ZNF469: variants seen among roughly 807,000 people sequenced by gnomAD.
ZNF469 encodes the protein zinc finger protein 469.
ZNF469 carries 1 observed loss-of-function variant against 1.0 expected under a neutral mutation model. The observed-to-expected ratio is 1.00, with a 90% CI of 0.35 to 4.73. The LOEUF is 4.73. Among genes scored for constraint, ZNF469 ranks in the 30% most tolerant of loss-of-function variants. ZNF469 has a pLI of 0.16. For missense variants in ZNF469, 6,100 were observed against 5,356.3 expected (o/e 1.14, Z -4.33); for synonymous variants, 2,703 against 2,363.4 (o/e 1.14, Z -4.17).
At position 88,387,532 on chromosome 16, in the gene ZNF469, G is replaced by A. The variant is rs534203481; in HGVS notation, c.-192+4278G>A. 1.3e-3 allele frequency among the ~76,000 whole-genome samples: 201 copies of A among 152,204 alleles called. 1 individual carries two copies. The highest frequency in any genetic ancestry group is 2.5e-3 in the Non-Finnish European group (172 of 68,044). ...TGAGACCAGCGACAACGCTGGGGGCGGCTTGGGGGCTGTGACCCGGCGTCA... is the reference window on the plus strand; with the variant it reads ...TGAGACCAGCGACAACGCTGGGGGCAGCTTGGGGGCTGTGACCCGGCGTCA... On this transcript the variant is annotated intron_variant, in intron 1 of 2. Transcript: ENST00000565624.
the ZNF469 span, among the ~76,000 whole-genome samples, chr16:88,273,585 C>G: frequency 6.6e-6 from 1 of 152,204 alleles, no homozygotes; most frequent in Non-Finnish European, 1.5e-5. Context: ...CTGTGGAAGA[C>G]GGTATGGAAG....
At chr16:88,179,943 G>A in the ZNF469 span, among the ~76,000 whole-genome samples, 18 of 152,200 alleles carry the variant, frequency 1.2e-4, no homozygotes, top group Non-Finnish European at 2.4e-4. Flanking sequence ...TGTAATGGCA[G>A]ACTGAGAAGC....
chr16:88,354,549 T>C, the ZNF469 span, among the ~76,000 whole-genome samples: 2 of 152,076 alleles, frequency 1.3e-5, no homozygotes, highest in Non-Finnish European at 2.9e-5. Flanking sequence ...GCCTGTCCAG[T>C]AGGGATAGCG....
the ZNF469 span, among the ~76,000 whole-genome samples, chr16:88,239,145 G>A: frequency 2.3e-3 from 345 of 151,948 alleles, no homozygotes; most frequent in African/African-American, 7.9e-3. Context: ...CTGCCATGGT[G>A]CGGGTGAGGG....
chr16:88,148,296 G>C, the ZNF469 span, among the ~76,000 whole-genome samples: 3 of 152,106 alleles, frequency 2.0e-5, no homozygotes, highest in Non-Finnish European at 4.4e-5. Context: ...ACCCCCATGG[G>C]GCCTGCAGCA....
chr16:88,369,644 G>A, the ZNF469 span, among the ~76,000 whole-genome samples: 3 of 152,240 alleles, frequency 2.0e-5, no homozygotes, highest in Admixed American at 1.3e-4. Flanking sequence ...GCCCCTGGCT[G>A]TGACGACATT....
the ZNF469 span, among the ~76,000 whole-genome samples, chr16:88,264,234 C>G: frequency 6.6e-6 from 1 of 152,096 alleles, no homozygotes; most frequent in Non-Finnish European, 1.5e-5. Flanking sequence ...TTCCTCCTCC[C>G]ACACCGAAAC....
intron 1 of ZNF469, among the ~76,000 whole-genome samples, chr16:88,418,576 A>C (rs1483842319): frequency 2.8e-5 from 4 of 142,606 alleles, no homozygotes; most frequent in Non-Finnish European, 4.5e-5. Flanking sequence ...GTCATTTTCG[A>C]AGACATCATT....
the ZNF469 span, among the ~76,000 whole-genome samples, chr16:88,333,251 G>T: frequency 1.3e-5 from 2 of 152,090 alleles, no homozygotes; most frequent in African/African-American, 2.4e-5. Flanking sequence ...GGTGGGTACG[G>T]CCAGGGGAGA....
upstream of ZNF469, among the ~76,000 whole-genome samples, chr16:88,382,642 G>A (rs570502129): frequency 7.2e-5 from 11 of 152,356 alleles, no homozygotes; most frequent in South Asian, 1.9e-3. Flanking sequence ...TCATGTGTGG[G>A]CACCTGGGGA....
At chr16:88,327,046 C>T in the ZNF469 span, among the ~76,000 whole-genome samples, 2 of 152,216 alleles carry the variant, frequency 1.3e-5, no homozygotes, top group African/African-American at 2.4e-5. Context: ...GCGGAGGGTC[C>T]TGATGTCCTT....
the ZNF469 span, among the ~76,000 whole-genome samples, chr16:88,135,415 C>T: frequency 2.0e-5 from 3 of 152,234 alleles, no homozygotes; most frequent in African/African-American, 7.2e-5. Context: ...CCAGATGGGG[C>T]TGACTCCAGA....
Position 88,431,994 on chromosome 16 carries a change from C to T in ZNF469, c.4524C>T (p.Ser1508=). The T allele has an allele frequency of 2.6e-6, 4 of 1,549,888 alleles. No homozygotes were observed. The highest frequency in any genetic ancestry group is 1.2e-5 in the South Asian group (1 of 84,048). The change falls in exon 3 of 3, where the codon TCC becomes TCT. Residue 1508 remains serine (S), a synonymous_variant. Coordinates refer to ENST00000565624, the MANE Select transcript of ZNF469 (RefSeq NM_001367624.2). The part of the protein sequence containing the change: ...YPSFLLLEEV[S]PMLPSHFPDL... ...CTTTTTTGCTGCTTGAGGAAGTATC[C>T]CCGATGCTGCCTAGCCATTTTCCTG...
the ZNF469 span, among the ~76,000 whole-genome samples, chr16:88,325,386 G>A: frequency 6.6e-6 from 1 of 152,230 alleles, no homozygotes; most frequent in African/African-American, 2.4e-5. Flanking sequence ...GGTCACAGTG[G>A]GAGAGGCACA....
chr16:88,369,184 C>T, the ZNF469 span, among the ~76,000 whole-genome samples: 1 of 152,138 alleles, frequency 6.6e-6, no homozygotes, highest in Non-Finnish European at 1.5e-5. Flanking sequence ...GCAGGCTTTC[C>T]AGAAAGTTCT....
the ZNF469 span, among the ~76,000 whole-genome samples, chr16:88,236,366 T>G: frequency 4.6e-5 from 7 of 152,266 alleles, no homozygotes; most frequent in Admixed American, 1.3e-4. Flanking sequence ...GGTGTCTTAT[T>G]GCTACAAACA....
chr16:88,251,536 G>GTGTTTTT, the ZNF469 span, among the ~76,000 whole-genome samples: 1,157 of 78,778 alleles, frequency 0.015, 121 homozygotes, highest in Non-Finnish European at 0.022. Flanking sequence ...TGTCCCTGCT[G>GTGTTTTT]TCTTTTTTTT....
chr16:88,193,174 ATGGTGGTGATGGTGGTGGTG>A, the ZNF469 span, among the ~76,000 whole-genome samples: 3 of 5,086 alleles, frequency 5.9e-4, no homozygotes, highest in Admixed American at 1.7e-3. Context: ...GGTGGTGGGG[ATGGTGGTGATGGTGGTGGTG>A]GTGATGGTGG....
the ZNF469 span, among the ~76,000 whole-genome samples, chr16:88,152,593 C>T: frequency 6.6e-6 from 1 of 152,184 alleles, no homozygotes; most frequent in African/African-American, 2.4e-5. The surrounding 1 kb of genome is among the most constrained non-coding windows in gnomAD (Gnocchi z 4.2). Context: ...CTGGCGTCCA[C>T]AGGCGGGCTC....
Sources: gnomAD v4.1 joint callset for allele counts (sites outside exome capture counted in the v4.1 genomes callset) on GRCh38, gnomAD v4.1.1 for gene constraint, Gnocchi (gnomAD v3.1) non-coding constraint, MANE v1.5 for transcripts, NCBI Gene and HGNC (gene_info 2026-07-23, HGNC 2026-07-21) for gene names.